Variants in MGAT4C observed in about 807,000 individuals in gnomAD.
MGAT4C encodes the protein alpha-1,3-mannosyl-glycoprotein 4-beta-N-acetylglucosaminyltransferase C.
Under a neutral mutation model 40.1 loss-of-function variants are expected in MGAT4C, and 19 were observed. The observed-to-expected ratio is 0.47, with a 90% CI of 0.33 to 0.70. The LOEUF is 0.70. Among genes scored for constraint, MGAT4C ranks in the 30% least tolerant of loss-of-function variants. MGAT4C has a pLI of 0.02. For synonymous variants in MGAT4C, 181 were observed against 187.1 expected, an observed-to-expected ratio of 0.97 and a Z score of 0.27; for missense variants, 491 against 563.2, an observed-to-expected ratio of 0.87 and a Z score of 1.30.
intron 3 of MGAT4C, among the ~76,000 whole-genome samples, chr12:86,404,379 A>G (rs1209191482): frequency 6.6e-6 from 1 of 152,182 alleles, no homozygotes; most frequent in Non-Finnish European, 1.5e-5. Context: ...ATAAGGAAAA[A>G]GGGTCTTTGC....
intron 1 of MGAT4C, among the ~76,000 whole-genome samples, chr12:86,196,582 A>G (rs186205732): frequency 6.6e-5 from 10 of 152,334 alleles, no homozygotes; most frequent in Admixed American, 3.3e-4. Context: ...CTTGAAGGAT[A>G]ATGCATGTTT....
At chr12:86,419,104 T>G (rs575038317) in intron 3 of MGAT4C, among the ~76,000 whole-genome samples, 28 of 152,082 alleles carry the variant, frequency 1.8e-4, no homozygotes, top group Non-Finnish European at 3.8e-4. Context: ...AATGCATTCA[T>G]GAGGGAAAAA....
intron 1 of MGAT4C, among the ~76,000 whole-genome samples, chr12:86,161,368 C>T (rs774063498): frequency 6.6e-6 from 1 of 152,052 alleles, no homozygotes; most frequent in Non-Finnish European, 1.5e-5. Flanking sequence ...ACACCTACAA[C>T]CATTCTTTGA....
At chr12:86,746,975 C>T (rs749401263) in intron 1 of MGAT4C, among the ~76,000 whole-genome samples, 2 of 151,538 alleles carry the variant, frequency 1.3e-5, no homozygotes, top group Non-Finnish European at 3.0e-5. Flanking sequence ...GGTTTCCATC[C>T]TCTGATGTAC....
intron 4 of MGAT4C, among the ~76,000 whole-genome samples, chr12:86,321,880 C>T (rs1396566921): frequency 2.0e-5 from 3 of 152,042 alleles, no homozygotes; most frequent in Admixed American, 6.6e-5. Context: ...TGGGTATATA[C>T]CCAAAGGATT....
At chr12:86,569,950 TA>T (rs1960294831) in intron 2 of MGAT4C, among the ~76,000 whole-genome samples, 1 of 152,000 alleles carries the variant, frequency 6.6e-6, no homozygotes, top group African/African-American at 2.4e-5. Context: ...AAACAAAGCA[TA>T]AAAAGATAAA....
intron 2 of MGAT4C, among the ~76,000 whole-genome samples, chr12:86,583,811 T>C (rs1027685049): frequency 1.3e-5 from 2 of 151,142 alleles, no homozygotes; most frequent in Non-Finnish European, 3.0e-5. Context: ...GTGGGAAATA[T>C]ATTTTAAAGT....
chr12:86,514,923 T>C (rs1023073453), intron 2 of MGAT4C, among the ~76,000 whole-genome samples: 2 of 152,158 alleles, frequency 1.3e-5, no homozygotes, highest in Middle Eastern at 3.2e-3. Context: ...AACCAAAAAT[T>C]CTACTTTCAG....
At chr12:86,781,735 TCTTA>T (rs1209105549) in intron 1 of MGAT4C, among the ~76,000 whole-genome samples, 1 of 152,142 alleles carries the variant, frequency 6.6e-6, no homozygotes, top group Admixed American at 6.5e-5. Flanking sequence ...ATCATAAATT[TCTTA>T]CTTCCTATAG....
At chr12:86,629,417 C>T (rs1962946419) in intron 2 of MGAT4C, among the ~76,000 whole-genome samples, 1 of 152,170 alleles carries the variant, frequency 6.6e-6, no homozygotes, top group Non-Finnish European at 1.5e-5. Flanking sequence ...TAGACATCTA[C>T]AGAACTGTCC....
chr12:86,360,920 T>C (rs919867714), intron 3 of MGAT4C, among the ~76,000 whole-genome samples: 3 of 152,150 alleles, frequency 2.0e-5, no homozygotes, highest in Admixed American at 6.5e-5. Flanking sequence ...CCCAAGGTAA[T>C]TGATAGATTC....
At chr12:86,121,203 G>A (rs570268566) in intron 1 of MGAT4C, among the ~76,000 whole-genome samples, 31 of 152,220 alleles carry the variant, frequency 2.0e-4, no homozygotes, top group African/African-American at 7.5e-4. Context: ...AGAAAAAAGA[G>A]TAAAAAGAAA....
In MGAT4C at chr12:86,234,797, G is replaced by A. The variant is rs12303146; in HGVS notation, c.-57+21442C>T. Among the ~76,000 whole-genome samples, 1,040 of 152,038 alleles carry A rather than the reference G, an allele frequency of 6.8e-3. 12 individuals carry two copies. Among genetic ancestry groups the A allele is most frequent in the African/African-American group, 0.024 (997 of 41,470 alleles). ...CCCCACTGCAACTGCTATTCCCAAGGTCACCAATGACCTCCTTTTTGCTAA... is the reference window on the plus strand; with the variant it reads ...CCCCACTGCAACTGCTATTCCCAAGATCACCAATGACCTCCTTTTTGCTAA... On this transcript the variant is annotated intron_variant, in intron 1 of 4. Coordinates refer to ENST00000611864, the MANE Select transcript of MGAT4C (RefSeq NM_001351288.2).
chr12:86,004,255 G>A (rs879205214), intron 2 of MGAT4C, among the ~76,000 whole-genome samples: 1 of 152,026 alleles, frequency 6.6e-6, no homozygotes, highest in Non-Finnish European at 1.5e-5. Context: ...TTTTGTATGG[G>A]CAAACATTAT....
intron 2 of MGAT4C, among the ~76,000 whole-genome samples, chr12:86,574,238 C>A (rs1276336943): frequency 6.6e-6 from 1 of 151,678 alleles, no homozygotes. Context: ...AAACTTCTAT[C>A]AAAGAGCCTT....
chr12:86,068,265 T>G (rs938293012), intron 1 of MGAT4C: 4 of 152,176 alleles, frequency 2.6e-5, no homozygotes, highest in Admixed American at 2.6e-4. Flanking sequence ...TTGGCAGATG[T>G]TCTACTCTTC....
chr12:86,501,710 T>C (rs1185617138), intron 2 of MGAT4C, among the ~76,000 whole-genome samples: 3 of 152,108 alleles, frequency 2.0e-5, no homozygotes, highest in Admixed American at 2.0e-4. Flanking sequence ...TTCCATGGTG[T>C]ATATATGCCA....
chr12:86,436,029 T>C (rs2136273530), intron 2 of MGAT4C, among the ~76,000 whole-genome samples: 1 of 152,016 alleles, frequency 6.6e-6, no homozygotes, highest in East Asian at 1.9e-4. Context: ...TGTCACTCTT[T>C]ATAATGATCT....
chr12:86,832,037 G>A (rs1162781022), intron 1 of MGAT4C, among the ~76,000 whole-genome samples: 4 of 151,780 alleles, frequency 2.6e-5, no homozygotes, highest in Non-Finnish European at 5.9e-5. Context: ...TTTCAAGGAT[G>A]TTCTAACAAA....
Sources: allele counts gnomAD v4.1 joint callset (sites outside exome capture counted in the v4.1 genomes callset), GRCh38; gene constraint gnomAD v4.1.1; transcripts MANE v1.5; gene names NCBI Gene and HGNC (gene_info 2026-07-23, HGNC 2026-07-21).